Variants in HPCAL1 observed in about 807,000 individuals in gnomAD.
HPCAL1 encodes the protein hippocalcin-like protein 1.
Under a neutral mutation model 17.1 loss-of-function variants are expected in HPCAL1, and 8 were observed. The observed-to-expected ratio is 0.47, with a 90% confidence interval of 0.27 to 0.84. HPCAL1 has a LOEUF of 0.84. Among genes scored for constraint, HPCAL1 ranks in the 40% least tolerant of loss-of-function variants. HPCAL1 has a pLI of 0.13. For missense variants in HPCAL1, 165 were observed against 271.1 expected, an observed-to-expected ratio of 0.61 and a Z score of 2.75; for synonymous variants, 112 against 111.4, an observed-to-expected ratio of 1.01 and a Z score of -0.03.
chr2:10,401,397 A>G (rs1292796277), intron 2 of HPCAL1, among the ~76,000 whole-genome samples: 1 of 152,116 alleles, frequency 6.6e-6, no homozygotes. Flanking sequence ...TGTTTAGCAA[A>G]TATCTGTTCT....
intron 2 of HPCAL1, among the ~76,000 whole-genome samples, chr2:10,414,310 T>C (rs1444731254): frequency 6.6e-6 from 1 of 152,214 alleles, no homozygotes; most frequent in Non-Finnish European, 1.5e-5. Context: ...GACTGCAGAC[T>C]GGGCACTTAA....
At position 10,377,231 on chromosome 2, in the gene HPCAL1, G is replaced by A. The variant is rs990763291; in HGVS notation, c.-110-19604G>A. Reference sequence around the variant, plus strand: ...GAGGTGTGAGGAGGCTGCCACGCAGGCCGCGCCGCCCCGAATGGCAGGTGG... The same window carrying A: ...GAGGTGTGAGGAGGCTGCCACGCAGACCGCGCCGCCCCGAATGGCAGGTGG... On this transcript the variant is annotated intron_variant, in intron 1 of 4. Transcript: ENST00000307845. The surrounding 1 kb of genome is among the most constrained non-coding windows in gnomAD (Gnocchi z 5.9). Among the ~76,000 whole-genome samples, 1 of 152,168 alleles carries A rather than the reference G, an allele frequency of 6.6e-6. No individual in the cohort carries two copies. The highest frequency in any genetic ancestry group is 1.5e-5 in the Non-Finnish European group (1 of 68,020).
intron 1 of HPCAL1, among the ~76,000 whole-genome samples, chr2:10,328,914 A>G (rs1664179983): frequency 6.6e-6 from 1 of 150,624 alleles, no homozygotes; most frequent in Non-Finnish European, 1.5e-5. Flanking sequence ...CCCTTCCTTC[A>G]TCAAGATCAC....
chr2:10,341,682 G>C (rs1054480527), intron 1 of HPCAL1, among the ~76,000 whole-genome samples: 18 of 152,092 alleles, frequency 1.2e-4, no homozygotes, highest in African/African-American at 4.1e-4. Context: ...CTCCTGCCTA[G>C]GTTATGTTGC....
rs550965912 is a variant in HPCAL1 at position 10,395,417 on chromosome 2, C to T, written c.-110-1418C>T. Among the ~76,000 whole-genome samples, 12 of 146,040 alleles carry T rather than the reference C, an allele frequency of 8.2e-5. No individual in the cohort carries two copies. Among genetic ancestry groups the T allele is most frequent in the East Asian group, 4.3e-4 (2 of 4,634 alleles). On this transcript the variant is annotated intron_variant, in intron 1 of 4. Coordinates refer to ENST00000307845, the MANE Select transcript of HPCAL1 (RefSeq NM_002149.4). The surrounding 1 kb of genome is among the most constrained non-coding windows in gnomAD (Gnocchi z 4.4). ...TGTGTCCAGGCTCTGGACGCATAGA[C>T]GTGAAACGGACGATTTCCTGACCTT...
chr2:10,357,823 C>G (rs1253957237), intron 1 of HPCAL1, among the ~76,000 whole-genome samples: 2 of 133,942 alleles, frequency 1.5e-5, no homozygotes, highest in African/African-American at 5.4e-5. Flanking sequence ...GCAGCAGTGA[C>G]TTCTTTAGGC....
rs571379051 is a variant in HPCAL1, at chr2:10,426,869, G to A, written c.*48G>A. 4.8e-5 allele frequency: 73 copies of A among 1,523,936 alleles called. No individual in the cohort carries two copies. Among genetic ancestry groups the A allele is most frequent in the Middle Eastern group, 1.9e-4 (1 of 5,382 alleles). The allele number at this position is 1,523,936 out of a possible 1,614,324, so 94.4% of individuals were successfully genotyped here. On this transcript the variant is annotated 3_prime_UTR_variant, in exon 5 of 5. Coordinates refer to ENST00000307845, the MANE Select transcript of HPCAL1 (RefSeq NM_002149.4). ...CAGAGAAACACAGGCTTGTCGTGCC[G>A]TTTAAGCTTTGCTTGCAAGAGTGGA...
At position 10,359,619 on chromosome 2, in the gene HPCAL1, C is replaced by T. The variant is rs1419909309; in HGVS notation, c.-110-37216C>T. 2.0e-5 allele frequency among the ~76,000 whole-genome samples: 3 copies of T among 152,192 alleles called. No individual in the cohort carries two copies. The highest frequency in any genetic ancestry group is 4.4e-5 in the Non-Finnish European group (3 of 68,040). On this transcript the variant is annotated intron_variant, in intron 1 of 4. Transcript: ENST00000307845. This position sits in a 1 kb window ranked among gnomAD's most constrained non-coding sequence, Gnocchi z 4.1. ...TTGAGGGCCTGGAACTCTTTAGAGCCCATCAGGACCAAGCTCTGGTGGCCT... is the reference window on the plus strand; with the variant it reads ...TTGAGGGCCTGGAACTCTTTAGAGCTCATCAGGACCAAGCTCTGGTGGCCT...
chr2:10,353,463 G>A (rs1338437787), intron 1 of HPCAL1, among the ~76,000 whole-genome samples: 1 of 152,216 alleles, frequency 6.6e-6, no homozygotes, highest in South Asian at 2.1e-4. Context: ...GGGGATACTG[G>A]TTCAGGGCCA....
intron 1 of HPCAL1, among the ~76,000 whole-genome samples, chr2:10,373,697 C>T (rs1160187015): frequency 6.6e-6 from 1 of 152,128 alleles, no homozygotes; most frequent in Admixed American, 6.5e-5. Flanking sequence ...TGCCCCCTCT[C>T]ACCTGCTCCT....
intron 1 of HPCAL1, among the ~76,000 whole-genome samples, chr2:10,364,204 G>A (rs577412382): frequency 6.6e-6 from 1 of 152,346 alleles, no homozygotes; most frequent in Admixed American, 6.5e-5. Flanking sequence ...CCAGAGGCGG[G>A]TGTCTGCCTG....
At chr2:10,338,271 G>A (rs1362384528) in intron 1 of HPCAL1, among the ~76,000 whole-genome samples, 2 of 152,114 alleles carry the variant, frequency 1.3e-5, no homozygotes, top group South Asian at 4.1e-4. Flanking sequence ...GTGGCTGTAG[G>A]ACCTGGTGAA....
chr2:10,339,706 C>T (rs1572673521), intron 1 of HPCAL1, among the ~76,000 whole-genome samples: 1 of 152,202 alleles, frequency 6.6e-6, no homozygotes, highest in Non-Finnish European at 1.5e-5. Context: ...TGAGGTAGGT[C>T]CTCTTATTTG....
intron 1 of HPCAL1, chr2:10,369,151 G>C (rs1667056377): frequency 6.6e-6 from 1 of 152,248 alleles, no homozygotes; most frequent in Non-Finnish European, 1.5e-5. Flanking sequence ...CGGGGTGGCT[G>C]CAGCAACACA....
At chr2:10,376,249 T>A (rs77449089) in intron 1 of HPCAL1, among the ~76,000 whole-genome samples, 1 of 152,314 alleles carries the variant, frequency 6.6e-6, no homozygotes, top group East Asian at 1.9e-4. Flanking sequence ...TACTCCTTTG[T>A]AATAATGCAA....
rs111420928 is a variant in HPCAL1, at chr2:10,354,416, C to G, written c.-110-42419C>G. 1 of 152,248 alleles carries G rather than the reference C, an allele frequency of 6.6e-6. No homozygotes were observed. Among genetic ancestry groups the G allele is most frequent in the Non-Finnish European group, 1.5e-5 (1 of 68,050 alleles). 9.4% of individuals were successfully genotyped at this position (152,248 alleles called of 1,614,324 possible). ...CACTTTGCTCAACTGTTCACTTGAA[C>G]AGAGTCTTCAATGTCTTCTAGTGAA... On this transcript the variant is annotated intron_variant, in intron 1 of 4. Transcript: ENST00000307845. This position sits in a 1 kb window ranked among gnomAD's most constrained non-coding sequence, Gnocchi z 5.1.
At position 10,303,170 on chromosome 2, in the gene HPCAL1, C is replaced by T. The variant is rs1232142303; in HGVS notation, c.-118C>T. ...GAAGCCGGCGGACCGCGTCCTGCGC[C>T]GGAGCAGGTAGGGAAGGGGCGGGCT... is the stretch of plus-strand genomic sequence containing the variant. On this transcript the variant is annotated 5_prime_UTR_variant, in exon 1 of 5. Transcript: ENST00000307845. The T allele has an allele frequency of 1.3e-5, 2 of 151,984 alleles. No homozygotes were observed. Among genetic ancestry groups the T allele is most frequent in the African/African-American group, 4.8e-5 (2 of 41,398 alleles). The allele number at this position is 151,984 out of a possible 1,614,324, so 9.4% of individuals were successfully genotyped here. A position where few individuals can be genotyped will look rare whatever the true frequency, so the allele number is the denominator to read the frequency against.
intron 2 of HPCAL1, among the ~76,000 whole-genome samples, chr2:10,410,782 G>A (rs1670306999): frequency 6.6e-6 from 1 of 151,762 alleles, no homozygotes. Flanking sequence ...CAAGGTGGCT[G>A]TTCTGCTGGG....
At chr2:10,345,288 T>C (rs1665361972) in intron 1 of HPCAL1, among the ~76,000 whole-genome samples, 1 of 152,182 alleles carries the variant, frequency 6.6e-6, no homozygotes, top group South Asian at 2.1e-4. Context: ...GTGATAATAC[T>C]GTACTCTGCG....
Sources: allele counts gnomAD v4.1 joint callset (sites outside exome capture counted in the v4.1 genomes callset), GRCh38; gene constraint gnomAD v4.1.1; non-coding constraint Gnocchi (gnomAD v3.1); transcripts MANE v1.5; gene names NCBI Gene and HGNC (gene_info 2026-07-23, HGNC 2026-07-21).